The following UNC45B variants were observed in gnomAD, a reference collection of about 807,000 sequenced individuals.
UNC45B encodes the protein unc-45 myosin chaperone B.
In UNC45B, 78 loss-of-function variants were observed where a neutral mutation model predicts 98.7. The ratio of observed to expected loss-of-function variants is 0.79; its 90% CI spans 0.66 to 0.95. The LOEUF is 0.95. UNC45B is among the 40% of genes least tolerant of loss of function. The pLI is 0.00. For missense variants in UNC45B, 1,225 were observed against 1,184.9 expected, an observed-to-expected ratio of 1.03 and a Z score of -0.50; for synonymous variants, 462 against 480.4, an observed-to-expected ratio of 0.96 and a Z score of 0.50.
chr17:35,171,479 C>T lies in UNC45B; in HGVS notation c.1830+17C>T, dbSNP rs2092186496. 6.2e-7 allele frequency: 1 copy of T among 1,612,946 alleles called. No individual in the cohort carries two copies. On this transcript the variant is annotated intron_variant, in intron 13 of 19. Transcript: ENST00000394570. ...CACCCCAAGGTAGGGTCAGGCGCGA[C>T]CCGGGAGGGGTCTGGTCTGTGCCAC...
intron 13 of UNC45B, among the ~76,000 whole-genome samples, chr17:35,172,935 C>T (rs1340802030): frequency 6.6e-6 from 1 of 152,144 alleles, no homozygotes; most frequent in Non-Finnish European, 1.5e-5. Context: ...GTATCAGCTC[C>T]TCAGGCTCTG....
intron 9 of UNC45B, 77 bp from the exon 10 acceptor site, chr17:35,167,984 T>A (rs1335898534): frequency 7.4e-7 from 1 of 1,348,182 alleles, no homozygotes; most frequent in Non-Finnish European, 9.7e-7. Context: ...CAAATCCAAA[T>A]CCTACTGCCT....
rs536635227 is a variant in UNC45B, at chr17:35,162,325, C to T, written c.980-1670C>T. ...GCTAACCCCAAGTGGTTAGTGTCAG[C>T]GTTGAATTGTAGGACACCCATCCAG... On this transcript the variant is annotated intron_variant, in intron 8 of 19. Transcript: ENST00000394570. 2.6e-5 allele frequency among the ~76,000 whole-genome samples: 4 copies of T among 152,266 alleles called. No individual in the cohort carries two copies. The East Asian group carries it at 5.8e-4, about 22-fold the overall frequency.
At position 35,163,994 on chromosome 17, in the gene UNC45B, G is replaced by C; in HGVS notation, c.980-1G>C. 3 of 1,611,394 alleles carry C rather than the reference G, an allele frequency of 1.9e-6. No homozygotes were observed. Among genetic ancestry groups the C allele is most frequent in the Non-Finnish European group, 2.5e-6 (3 of 1,178,608 alleles). On this transcript the variant is annotated splice_acceptor_variant, in intron 8 of 19. Coordinates refer to ENST00000394570, the MANE Select transcript of UNC45B (RefSeq NM_001267052.2). LOFTEE classifies it high-confidence loss of function. The stretch of plus-strand genomic sequence containing the variant: ...TAGGCTTGCCACTGTCTACCCTGCA[G>C]GTCTGAGGAAGATCCTGAAGGTTGT...
At chr17:35,181,528 T>C (rs1218053666) in intron 18 of UNC45B, among the ~76,000 whole-genome samples, 1 of 152,174 alleles carries the variant, frequency 6.6e-6, no homozygotes, top group African/African-American at 2.4e-5. Flanking sequence ...TGGTGGCTCA[T>C]GTCTGCAATC....
intron 9 of UNC45B, chr17:35,167,088 A>G (rs1043532337): frequency 6.6e-6 from 1 of 152,522 alleles, no homozygotes; most frequent in Non-Finnish European, 1.5e-5. Flanking sequence ...CAACAGGGGA[A>G]GGGACTAAGA....
rs779938241 is a variant in UNC45B at position 35,148,355 on chromosome 17, A to G, written c.92A>G (p.Gln31Arg). 1.2e-6 allele frequency: 2 copies of G among 1,614,174 alleles called. No homozygotes were observed. The highest frequency in any genetic ancestry group is 1.1e-5 in the South Asian group (1 of 91,086). Reference protein sequence around the residue: ...DYKAATNSYSQALKLTKDKAL... With the variant: ...DYKAATNSYSRALKLTKDKAL... ...AAGGCCGCCACAAATAGCTACAGCC[A>G]GGCCCTGAAGCTGACCAAGGACAAG... Residue 31 changes from glutamine to arginine, a missense_variant, in exon 2 of 20, where the codon CAG becomes CGG. Transcript: ENST00000394570.
chr17:35,162,895 G>A (rs2092111465), intron 8 of UNC45B, among the ~76,000 whole-genome samples: 2 of 152,108 alleles, frequency 1.3e-5, no homozygotes, highest in Admixed American at 1.3e-4. Flanking sequence ...TACTACACAA[G>A]GTCTGACCAG....
Position 35,186,499 on chromosome 17 carries a change from G to C in UNC45B, c.2730G>C (p.Gln910His). ...ATGAGAAGAAGGCAGAAGTGGTTCA[G>C]ACAGCCCGAGAATGTCTCATCAAGT... ...EPDEKKAEVV[Q>H]TARECLIKCM... The change falls in exon 20 of 20, where the codon CAG becomes CAC. Residue 910 changes from glutamine to histidine, a missense_variant. Coordinates refer to ENST00000394570, the MANE Select transcript of UNC45B (RefSeq NM_001267052.2). The C allele has an allele frequency of 6.2e-7, 1 of 1,614,222 alleles. No homozygotes were observed. The highest frequency in any genetic ancestry group is 8.5e-7 in the Non-Finnish European group (1 of 1,180,040).
At chr17:35,185,727 A>G (rs918948204) in intron 19 of UNC45B, among the ~76,000 whole-genome samples, 3 of 151,950 alleles carry the variant, frequency 2.0e-5, no homozygotes, top group African/African-American at 4.8e-5. Context: ...AATCACCACA[A>G]TGTTAGAGGA....
At chr17:35,149,271 GA>G (rs1482673779) in intron 3 of UNC45B, among the ~76,000 whole-genome samples, 3 of 152,334 alleles carry the variant, frequency 2.0e-5, no homozygotes, top group African/African-American at 7.2e-5. Flanking sequence ...AAGGAAGAAG[GA>G]TTGGATTTCA....
chr17:35,164,114 C>T lies in UNC45B; in HGVS notation c.1099C>T (p.Arg367Cys), dbSNP rs116362062. ...ILINKLYDDL[R>C]CDPERDHFRK... ...CATCAACAAGCTCTATGATGACCTGCGCTGTGACCCGGAGCGCGATCACTT... is the reference window on the plus strand; with the variant it reads ...CATCAACAAGCTCTATGATGACCTGTGCTGTGACCCGGAGCGCGATCACTT... Residue 367 changes from arginine (R) to cysteine (C), a missense_variant, in exon 9 of 20, where the codon CGC becomes TGC. Transcript: ENST00000394570. 2.6e-3 allele frequency: 4,200 copies of T among 1,613,818 alleles called. 87 individuals carry two copies. In the African/African-American group the frequency reaches 0.046, roughly 18 times the overall value.
intron 15 of UNC45B, among the ~76,000 whole-genome samples, chr17:35,176,800 G>A (rs1443417784): frequency 6.6e-6 from 1 of 152,212 alleles, no homozygotes; most frequent in Non-Finnish European, 1.5e-5. Flanking sequence ...AGGTGGGTGG[G>A]AGGAAGTGGG....
intron 10 of UNC45B, among the ~76,000 whole-genome samples, chr17:35,168,660 C>A: frequency 6.6e-6 from 1 of 152,278 alleles, no homozygotes; most frequent in South Asian, 2.1e-4. Context: ...TCTGAAGAGT[C>A]ACTTTCCTTA....
In UNC45B at chr17:35,168,156, T is replaced by C. The variant is rs960171028; in HGVS notation, c.1247T>C (p.Leu416Pro). The change falls in exon 10 of 20, where the codon CTG becomes CCG. Residue 416 changes from leucine to proline, a missense_variant. Leu to Pro is a moderately conservative substitution (Grantham distance 98). Transcript: ENST00000394570. Reference sequence around the variant, plus strand: ...GGCCCCTTTGACCTGGGCAACCAGCTGCTGGGACTGAAAGGTGTGATGGAG... The same window carrying C: ...GGCCCCTTTGACCTGGGCAACCAGCCGCTGGGACTGAAAGGTGTGATGGAG... ...LQGPFDLGNQ[L>P]LGLKGVMEMM... 57 of 1,606,022 alleles carry C rather than the reference T, an allele frequency of 3.5e-5. 1 individual carries two copies. In the African/African-American group the frequency reaches 6.6e-4, roughly 19 times the overall value.
chr17:35,169,332 G>A (rs1259278475), intron 10 of UNC45B, among the ~76,000 whole-genome samples: 1 of 152,128 alleles, frequency 6.6e-6, no homozygotes, highest in Non-Finnish European at 1.5e-5. Context: ...GTGAGCCACC[G>A]CACCCAGCAT....
In UNC45B at chr17:35,177,194, C is replaced by T. The variant is rs1389777702; in HGVS notation, c.2139+64C>T. 11 of 1,440,408 alleles carry T rather than the reference C, an allele frequency of 7.6e-6. No homozygotes were observed. In the Admixed American group the frequency reaches 1.4e-4, roughly 19 times the overall value. 89.2% of individuals were successfully genotyped at this position (1,440,408 alleles called of 1,614,324 possible). ...GTCTCCTTTGCTCCTAGAGGCCTTT[C>T]CCCTTGTCATTCTACCTCGAGCCTG... On this transcript the variant is annotated intron_variant, in intron 16 of 19. Coordinates refer to ENST00000394570, the MANE Select transcript of UNC45B (RefSeq NM_001267052.2).
intron 19 of UNC45B, among the ~76,000 whole-genome samples, chr17:35,185,557 C>T (rs1597941166): frequency 6.6e-6 from 1 of 152,038 alleles, no homozygotes. Context: ...CCGCCTGCCT[C>T]GGCCTCCCAA....
chr17:35,155,214 G>T (rs1198755436), intron 6 of UNC45B, 82 bp from the exon 7 acceptor site: 17 of 1,527,014 alleles, frequency 1.1e-5, no homozygotes, highest in Non-Finnish European at 1.5e-5. Context: ...GGGTGGGGAG[G>T]ATTATCACAC....
Sources: allele counts gnomAD v4.1 joint callset (sites outside exome capture counted in the v4.1 genomes callset), GRCh38; gene constraint gnomAD v4.1.1; transcripts MANE v1.5; gene names NCBI Gene and HGNC (gene_info 2026-07-23, HGNC 2026-07-21).